Variants in SPATA6L observed in about 807,000 individuals in gnomAD.
SPATA6L encodes the protein spermatogenesis associated 6-like protein.
SPATA6L carries 68 observed loss-of-function variants against 49.2 expected under a neutral mutation model. The observed-to-expected ratio is 1.38, with a 90% CI of 1.14 to 1.69. SPATA6L has a LOEUF of 1.69. SPATA6L is among the 40% of genes most tolerant of loss of function. SPATA6L has a pLI of 0.00. For missense variants in SPATA6L, 668 were observed against 464.3 expected, an observed-to-expected ratio of 1.44 and a Z score of -4.03; for synonymous variants, 198 against 165.7, an observed-to-expected ratio of 1.19 and a Z score of -1.50.
intron 3 of SPATA6L, among the ~76,000 whole-genome samples, chr9:4,654,396 G>T (rs1417040381): frequency 6.6e-6 from 1 of 152,184 alleles, no homozygotes; most frequent in Non-Finnish European, 1.5e-5. Flanking sequence ...AGGCTGTGGG[G>T]TTCCGACCCC....
chr9:4,666,063 T>C (rs1840811705), intron 1 of SPATA6L, 149 bp downstream of exon 1: 6 of 670,018 alleles, frequency 9.0e-6, no homozygotes, highest in East Asian at 2.9e-5. Context: ...AAAACCAATA[T>C]GGAGAAAAAG....
rs557896864 is a variant in SPATA6L at position 4,632,796 on chromosome 9, T to A, written c.351+2479A>T. Among the ~76,000 whole-genome samples, 4 of 152,240 alleles carry A rather than the reference T, an allele frequency of 2.6e-5. No homozygotes were observed. The East Asian group carries it at 7.7e-4, about 29-fold the overall frequency. On this transcript the variant is annotated intron_variant, in intron 4 of 11. Coordinates refer to ENST00000682582, the MANE Select transcript of SPATA6L (RefSeq NM_001353486.2). The stretch of plus-strand genomic sequence containing the variant: ...GTGATTCTCCCCCATTAACATGTCT[T>A]TCTGAAATTGTCTATTAAAGCAGAG...
chr9:4,663,444 A>G (rs1587580983), intron 1 of SPATA6L: 1 of 658,842 alleles, frequency 1.5e-6, no homozygotes. Context: ...ATTACTGAAC[A>G]CAGCCATATT....
At chr9:4,616,757 G>A (rs10815037) in intron 9 of SPATA6L, among the ~76,000 whole-genome samples, 25,622 of 152,002 alleles carry the variant, frequency 0.17, 2,876 homozygotes, top group African/African-American at 0.3. Context: ...GGCTAATTTT[G>A]TATTTTTAGT....
chr9:4,603,387 G>A lies in SPATA6L; in HGVS notation c.*1+792C>T, dbSNP rs138416145. ...GGAGGTTGCAGTGAACCAAGATTGC[G>A]CCATTGCACTCTAGCCTGGGTGACA... On this transcript the variant is annotated intron_variant, in intron 11 of 11. Coordinates refer to ENST00000682582, the MANE Select transcript of SPATA6L (RefSeq NM_001353486.2). 3.9e-5 allele frequency among the ~76,000 whole-genome samples: 6 copies of A among 152,204 alleles called. No homozygotes were observed. The East Asian group carries it at 5.8e-4, about 15-fold the overall frequency.
chr9:4,662,203 T>G lies in SPATA6L; in HGVS notation c.40-167A>C. 6.3e-6 allele frequency: 9 copies of G among 1,437,012 alleles called. No individual in the cohort carries two copies. The highest frequency in any genetic ancestry group is 8.2e-6 in the Non-Finnish European group (9 of 1,100,028). 89.0% of individuals were successfully genotyped at this position (1,437,012 alleles called of 1,614,324 possible). ...GCCAACATCCTCCCCTCTGCTCTCCTCACATTGGAAATTCCAACTCCCTCC... is the reference window on the plus strand; with the variant it reads ...GCCAACATCCTCCCCTCTGCTCTCCGCACATTGGAAATTCCAACTCCCTCC... On this transcript the variant is annotated intron_variant, in intron 1 of 11. Coordinates refer to ENST00000682582, the MANE Select transcript of SPATA6L (RefSeq NM_001353486.2). This position sits in a 1 kb window ranked among gnomAD's most constrained non-coding sequence, Gnocchi z 4.9.
At chr9:4,649,118 C>A (rs1010096692) in intron 3 of SPATA6L, among the ~76,000 whole-genome samples, 3 of 151,846 alleles carry the variant, frequency 2.0e-5, no homozygotes, top group Non-Finnish European at 4.4e-5. Context: ...TATATCCACT[C>A]GTTGATTGAT....
At chr9:4,644,658 TTCTCTCTCTCTC>T (rs375004235) in intron 3 of SPATA6L, among the ~76,000 whole-genome samples, 1 of 143,002 alleles carries the variant, frequency 7.0e-6, no homozygotes, top group Non-Finnish European at 1.5e-5. Context: ...GTTTTCAGTA[TTCTCTCTCTCTC>T]TCTCTCTCTC....
chr9:4,636,350 C>A (rs1011528689), intron 3 of SPATA6L, among the ~76,000 whole-genome samples: 2 of 152,070 alleles, frequency 1.3e-5, no homozygotes, highest in Non-Finnish European at 2.9e-5. Context: ...TAATTTTTTA[C>A]AGTGACTTGT....
chr9:4,601,946 G>A (rs1823407309), intron 11 of SPATA6L, among the ~76,000 whole-genome samples: 1 of 152,152 alleles, frequency 6.6e-6, no homozygotes, highest in African/African-American at 2.4e-5. Context: ...AGTCACTTGG[G>A]TTTTTCACAA....
chr9:4,642,761 A>G (rs900272834), intron 3 of SPATA6L, among the ~76,000 whole-genome samples: 12 of 151,492 alleles, frequency 7.9e-5, no homozygotes, highest in Non-Finnish European at 2.9e-5. Context: ...CAGGGAAAAT[A>G]TAACTGTTTT....
intron 3 of SPATA6L, among the ~76,000 whole-genome samples, chr9:4,650,537 T>C (rs1261035378): frequency 6.6e-6 from 1 of 152,116 alleles, no homozygotes; most frequent in Non-Finnish European, 1.5e-5. Context: ...GTTGGTTGTT[T>C]AAAATGATCA....
At chr9:4,647,360 G>C (rs1587402866) in intron 3 of SPATA6L, among the ~76,000 whole-genome samples, 1 of 152,168 alleles carries the variant, frequency 6.6e-6, no homozygotes, top group African/African-American at 2.4e-5. Context: ...GGGAGGCCGA[G>C]GTGAGCGGAT....
rs1822719011 is a variant in SPATA6L, at chr9:4,599,472, T to C, written c.*1339A>G. Among the ~76,000 whole-genome samples, 1 of 152,236 alleles carries C rather than the reference T, an allele frequency of 6.6e-6. No homozygotes were observed. Among genetic ancestry groups the C allele is most frequent in the Non-Finnish European group, 1.5e-5 (1 of 68,034 alleles). On this transcript the variant is annotated 3_prime_UTR_variant, in exon 12 of 12. Coordinates refer to ENST00000682582, the MANE Select transcript of SPATA6L (RefSeq NM_001353486.2). Reference sequence around the variant, plus strand: ...AAAACTTGGCTCTCACTGAATCTTCTAAAAACTGAACAAGTTTTAGGGTAG... The same window carrying C: ...AAAACTTGGCTCTCACTGAATCTTCCAAAAACTGAACAAGTTTTAGGGTAG...
At chr9:4,644,697 A>T (rs1397188981) in intron 3 of SPATA6L, among the ~76,000 whole-genome samples, 1 of 142,920 alleles carries the variant, frequency 7.0e-6, no homozygotes, top group Non-Finnish European at 1.6e-5. Context: ...ACACACACAC[A>T]CACACACACA....
Position 4,599,598 on chromosome 9 carries a change from A to C in SPATA6L, c.*1213T>G, listed in dbSNP as rs1208861816. Among the ~76,000 whole-genome samples, 2 of 152,214 alleles carry C rather than the reference A, an allele frequency of 1.3e-5. No homozygotes were observed. The highest frequency in any genetic ancestry group is 4.8e-5 in the African/African-American group (2 of 41,460). On this transcript the variant is annotated 3_prime_UTR_variant, in exon 12 of 12. Transcript: ENST00000682582. The stretch of plus-strand genomic sequence containing the variant: ...CACAGTTCTGGAAGCTGGGAAGTCC[A>C]AGATCAGAATGTTGGCAGATGCAGA...
Position 4,605,022 on chromosome 9 carries a change from C to T in SPATA6L, c.1089+325G>A, listed in dbSNP as rs903778750. 2.6e-5 allele frequency among the ~76,000 whole-genome samples: 4 copies of T among 152,128 alleles called. No individual in the cohort carries two copies. The East Asian group carries it at 7.7e-4, about 29-fold the overall frequency. ...TTCATGTGTGCAGGGGAAAGGAATG[C>T]TCTGTGGGCCACTTAGCCTGTCTTC... On this transcript the variant is annotated intron_variant, in intron 10 of 11. Coordinates refer to ENST00000682582, the MANE Select transcript of SPATA6L (RefSeq NM_001353486.2).
chr9:4,616,176 C>A (rs1827948317), intron 9 of SPATA6L, among the ~76,000 whole-genome samples: 1 of 152,066 alleles, frequency 6.6e-6, no homozygotes, highest in Admixed American at 6.6e-5. Context: ...ACTCAGGAGG[C>A]TGAGGCAGGA....
intron 3 of SPATA6L, 150 bp downstream of exon 3, chr9:4,655,891 A>C (rs1838038792): frequency 1.5e-6 from 1 of 685,578 alleles, no homozygotes; most frequent in African/African-American, 1.8e-5. Context: ...AACAGAATCA[A>C]AAATGTGATT....
Sources: gnomAD v4.1 joint callset for allele counts (sites outside exome capture counted in the v4.1 genomes callset) on GRCh38, gnomAD v4.1.1 for gene constraint, Gnocchi (gnomAD v3.1) non-coding constraint, MANE v1.5 for transcripts, NCBI Gene and HGNC (gene_info 2026-07-23, HGNC 2026-07-21) for gene names.